GHRH: variants seen among roughly 807,000 people sequenced by gnomAD.
GHRH encodes the protein growth hormone releasing hormone.
Under a neutral mutation model 15.6 loss-of-function variants are expected in GHRH, and 7 were observed. The ratio of observed to expected loss-of-function variants is 0.45; its 90% CI spans 0.26 to 0.84. The LOEUF (loss-of-function observed/expected upper bound fraction) is 0.84, where lower values mean the gene tolerates loss of function less well. Ranked by LOEUF, GHRH falls within the 40% of genes least tolerant of loss-of-function variation. GHRH has a pLI of 0.18. For missense variants in GHRH, 117 were observed against 138.0 expected (o/e 0.85, Z 0.76); for synonymous variants, 54 against 50.4 (o/e 1.07, Z -0.30).
At chr20:37,253,620 A>C (rs532432122) in intron 4 of GHRH, among the ~76,000 whole-genome samples, 23 of 152,080 alleles carry the variant, frequency 1.5e-4, no homozygotes, top group Non-Finnish European at 3.1e-4. Flanking sequence ...TGATTGACTG[A>C]TTGAGACGGG....
chr20:37,256,552 C>A, intron 2 of GHRH, 54 bp from the exon 3 acceptor site: 1 of 1,129,610 alleles, frequency 8.9e-7, no homozygotes, highest in Non-Finnish European at 1.3e-6. Flanking sequence ...GGCGAGAGGA[C>A]AGTCGTGGCT....
In GHRH at chr20:37,251,146, A is replaced by G; in HGVS notation, c.*67T>C. On this transcript the variant is annotated 3_prime_UTR_variant, in exon 5 of 5. Coordinates refer to ENST00000373614, the MANE Select transcript of GHRH (RefSeq NM_021081.6). ...ATTTTCAAAGGAAAAAGTGGGTCAG[A>G]AATGAGAGGATTAACTGGATCCAGT... The G allele has an allele frequency of 8.6e-7, 1 of 1,166,272 alleles. No individual in the cohort carries two copies. Among genetic ancestry groups the G allele is most frequent in the South Asian group, 1.4e-5 (1 of 71,306 alleles). 72.2% of individuals were successfully genotyped at this position (1,166,272 alleles called of 1,614,324 possible).
At position 37,256,383 on chromosome 20, in the gene GHRH, C is replaced by A; in HGVS notation, c.188+11G>T. ...AGGGTGTGGGAAGAAATCACTAGAA[C>A]TCCTGCTTACCCCTGCTGCCTGCTC... On this transcript the variant is annotated intron_variant, in intron 3 of 4. Coordinates refer to ENST00000373614, the MANE Select transcript of GHRH (RefSeq NM_021081.6). 1 of 1,581,638 alleles carries A rather than the reference C, an allele frequency of 6.3e-7. No homozygotes were observed. The highest frequency in any genetic ancestry group is 8.7e-7 in the Non-Finnish European group (1 of 1,154,202).
intron 4 of GHRH, 46 bp from the exon 5 acceptor site, chr20:37,251,277 G>A (rs35377046): frequency 0.01 from 15,640 of 1,547,870 alleles, 95 homozygotes; most frequent in Non-Finnish European, 0.012. Flanking sequence ...TGAAGTAAGG[G>A]TGGCTAGAGT....
At chr20:37,260,409 A>G (rs1569013770) in intron 1 of GHRH, among the ~76,000 whole-genome samples, 1 of 151,334 alleles carries the variant, frequency 6.6e-6, no homozygotes, top group Admixed American at 6.6e-5. Flanking sequence ...CAAAAAAAAA[A>G]ACACACAAAA....
In GHRH at chr20:37,251,251, G is replaced by A. The variant is rs1194124097; in HGVS notation, c.309-20C>T. On this transcript the variant is annotated intron_variant, in intron 4 of 4. Transcript: ENST00000373614. ...TTCCTGCTGCAGAAAGAAAGATCAA[G>A]CTCAATCCGGGGAATTGAAGTAAGG... is the stretch of plus-strand genomic sequence containing the variant. 2.5e-6 allele frequency: 4 copies of A among 1,597,866 alleles called. 1 individual carries two copies. In the South Asian group the frequency reaches 4.5e-5, roughly 18 times the overall value.
chr20:37,260,520 G>A (rs1456313727), intron 1 of GHRH, among the ~76,000 whole-genome samples: 1 of 152,146 alleles, frequency 6.6e-6, no homozygotes, highest in East Asian at 1.9e-4. Context: ...GGGAGGTTAA[G>A]GCTGCAGTGA....
At chr20:37,255,971 A>C (rs2068653442) in intron 3 of GHRH, among the ~76,000 whole-genome samples, 1 of 152,106 alleles carries the variant, frequency 6.6e-6, no homozygotes, top group Non-Finnish European at 1.5e-5. Context: ...GGTTACAATG[A>C]GGCATGATCA....
intron 3 of GHRH, 123 bp downstream of exon 3, chr20:37,256,271 C>A: frequency 1.7e-6 from 1 of 586,108 alleles, no homozygotes. Context: ...TATGGGAAGT[C>A]CAGAAATGAC....
chr20:37,254,998 AATTAT>A (rs113425567), intron 3 of GHRH, among the ~76,000 whole-genome samples: 54 of 152,302 alleles, frequency 3.5e-4, no homozygotes, highest in African/African-American at 1.2e-3. Flanking sequence ...TATAATTGAT[AATTAT>A]ATTATGATTA....
chr20:37,255,107 G>T (rs1014765902), intron 3 of GHRH, among the ~76,000 whole-genome samples: 1 of 152,036 alleles, frequency 6.6e-6, no homozygotes, highest in African/African-American at 2.4e-5. Flanking sequence ...CTCTCCAATG[G>T]TTCAACAAAA....
rs187813052 is a variant in GHRH at position 37,253,896 on chromosome 20, G to A, written c.308+314C>T. On this transcript the variant is annotated intron_variant, in intron 4 of 4. Transcript: ENST00000373614. The stretch of plus-strand genomic sequence containing the variant: ...CTCCCGAGTGGCTGGGATTACAGGC[G>A]TGAGCCACTACACCTGGCTCATTTT... Among the ~76,000 whole-genome samples, 3 of 152,246 alleles carry A rather than the reference G, an allele frequency of 2.0e-5. No individual in the cohort carries two copies. The Middle Eastern group carries it at 0.01, about 518-fold the overall frequency.
chr20:37,252,108 G>A (rs1263529629), intron 4 of GHRH, among the ~76,000 whole-genome samples: 1 of 152,222 alleles, frequency 6.6e-6, no homozygotes, highest in East Asian at 1.9e-4. Context: ...GCACAGAGGA[G>A]GCCTTCTTCT....
intron 4 of GHRH, among the ~76,000 whole-genome samples, chr20:37,253,716 G>C (rs1279088211): frequency 6.6e-6 from 1 of 152,152 alleles, no homozygotes; most frequent in African/African-American, 2.4e-5. Flanking sequence ...TGGGATTATA[G>C]GCATGAGCCA....
At chr20:37,254,119 C>T in intron 4 of GHRH, 91 bp downstream of exon 4, 2 of 1,365,372 alleles carry the variant, frequency 1.5e-6, no homozygotes, top group East Asian at 2.3e-5. Context: ...CCCATACCTT[C>T]AGAGAGGAGT....
chr20:37,252,178 C>T (rs1476194897), intron 4 of GHRH, among the ~76,000 whole-genome samples: 7 of 152,284 alleles, frequency 4.6e-5, no homozygotes, highest in Non-Finnish European at 1.0e-4. Context: ...GAGCTAACCC[C>T]TCCTTTCACA....
chr20:37,255,048 A>G (rs1445480678), intron 3 of GHRH, among the ~76,000 whole-genome samples: 1 of 152,214 alleles, frequency 6.6e-6, no homozygotes, highest in Non-Finnish European at 1.5e-5. Context: ...GTATTAGGAA[A>G]CACATATAGA....
Position 37,256,890 on chromosome 20 carries a change from C to G in GHRH, c.-1G>C. 3.1e-6 allele frequency: 5 copies of G among 1,607,306 alleles called. No homozygotes were observed. The highest frequency in any genetic ancestry group is 3.4e-6 in the Non-Finnish European group (4 of 1,177,136). ...CAAAGAAGAACACCCAGAGTGGCAT[C>G]CTTCACCCGGGGTGGCACCTGCAGA... On this transcript the variant is annotated 5_prime_UTR_variant, in exon 2 of 5. Transcript: ENST00000373614.
At chr20:37,257,021 AGCTGTGG>A in intron 1 of GHRH, 113 bp from the exon 2 acceptor site, 1 of 686,832 alleles carries the variant, frequency 1.5e-6, no homozygotes, top group Non-Finnish European at 2.6e-6. Context: ...GGTTTTTGGA[AGCTGTGG>A]GATGGGAAAA....
Sources: gnomAD v4.1 joint callset for allele counts (sites outside exome capture counted in the v4.1 genomes callset) on GRCh38, gnomAD v4.1.1 for gene constraint, MANE v1.5 for transcripts, NCBI Gene and HGNC (gene_info 2026-07-23, HGNC 2026-07-21) for gene names.